Variants in MCTP1 observed in about 807,000 individuals in gnomAD.
The protein encoded by MCTP1 is multiple C2 and transmembrane domain-containing protein 1.
MCTP1 carries 69 observed loss-of-function variants against 120.6 expected under a neutral mutation model. That is an observed-to-expected ratio of 0.57 (90% confidence interval 0.47 to 0.70). The LOEUF (loss-of-function observed/expected upper bound fraction) is 0.70. Among genes scored for constraint, MCTP1 ranks in the 30% least tolerant of loss-of-function variants. The probability of loss-of-function intolerance (pLI) is 0.00; values close to 1 mark genes in which losing one functional copy is unlikely to be tolerated. For missense variants in MCTP1, 1,203 were observed against 1,248.8 expected (o/e 0.96, Z 0.55); for synonymous variants, 529 against 493.1 (o/e 1.07, Z -0.96).
chr5:95,235,143 G>C (rs968022140), intron 1 of MCTP1, among the ~76,000 whole-genome samples: 2 of 151,860 alleles, frequency 1.3e-5, no homozygotes, highest in Non-Finnish European at 2.9e-5. Flanking sequence ...CCTCAGAAAT[G>C]CCAGGTTCAT....
At chr5:95,159,941 CA>C (rs1745536525) in intron 1 of MCTP1, among the ~76,000 whole-genome samples, 1 of 152,040 alleles carries the variant, frequency 6.6e-6, no homozygotes, top group South Asian at 2.1e-4. Flanking sequence ...AGAGTCAACA[CA>C]CCTGGAAATA....
chr5:95,158,802 G>C (rs1043244911), intron 1 of MCTP1, among the ~76,000 whole-genome samples: 6 of 151,702 alleles, frequency 4.0e-5, no homozygotes, highest in African/African-American at 1.5e-4. Flanking sequence ...AGCCAGGCAT[G>C]GTGGTGCATG....
rs543573700 is a variant in MCTP1 at position 94,999,853 on chromosome 5, G to A, written c.838+17514C>T. The stretch of plus-strand genomic sequence containing the variant: ...TAAATTTGGGGAATCTTGAAGAAAG[G>A]AATCCCCCCACACACATAGTGTTAT... On this transcript the variant is annotated intron_variant, in intron 2 of 22. Transcript: ENST00000515393. Among the ~76,000 whole-genome samples, 8 of 152,210 alleles carry A rather than the reference G, an allele frequency of 5.3e-5. No homozygotes were observed. The South Asian group carries it at 1.7e-3, about 32-fold the overall frequency.
chr5:94,893,480 T>A (rs886903287), intron 11 of MCTP1, among the ~76,000 whole-genome samples: 31 of 152,232 alleles, frequency 2.0e-4, no homozygotes, highest in Admixed American at 3.9e-4. Flanking sequence ...GGCTCTTAGG[T>A]GGTTTAAAAA....
intron 19 of MCTP1, among the ~76,000 whole-genome samples, chr5:94,717,653 TAAGC>T (rs536740880): frequency 3.0e-4 from 46 of 152,296 alleles, no homozygotes; most frequent in African/African-American, 1.1e-3. Flanking sequence ...CTTAAGCTGA[TAAGC>T]AACTTCAGCA....
chr5:94,766,396 C>T (rs1772719900), intron 19 of MCTP1, among the ~76,000 whole-genome samples: 2 of 152,054 alleles, frequency 1.3e-5, no homozygotes, highest in Non-Finnish European at 2.9e-5. Flanking sequence ...AGCTGGAAAC[C>T]ATCATTCTGA....
At chr5:95,218,158 A>G (rs1753248139) in intron 1 of MCTP1, among the ~76,000 whole-genome samples, 1 of 152,208 alleles carries the variant, frequency 6.6e-6, no homozygotes, top group South Asian at 2.1e-4. Context: ...AATGAGTTAC[A>G]CTATATTGGG....
At chr5:95,028,468 G>A (rs1839684998) in intron 1 of MCTP1, among the ~76,000 whole-genome samples, 1 of 152,096 alleles carries the variant, frequency 6.6e-6, no homozygotes, top group Non-Finnish European at 1.5e-5. Flanking sequence ...ATTTATTGCT[G>A]TTTAAAAAAG....
intron 1 of MCTP1, among the ~76,000 whole-genome samples, chr5:95,168,079 G>A (rs2152490169): frequency 6.6e-6 from 1 of 152,276 alleles, no homozygotes; most frequent in East Asian, 1.9e-4. Flanking sequence ...TGTATAAGGT[G>A]TAAAGAAGGG....
chr5:94,947,215 TG>T (rs1819167842), intron 3 of MCTP1, among the ~76,000 whole-genome samples: 1 of 152,076 alleles, frequency 6.6e-6, no homozygotes, highest in African/African-American at 2.4e-5. Flanking sequence ...CCAAGCAATA[TG>T]GTTAATATCC....
intron 17 of MCTP1, among the ~76,000 whole-genome samples, chr5:94,806,161 G>C (rs1412773254): frequency 1.3e-5 from 2 of 151,834 alleles, no homozygotes; most frequent in Non-Finnish European, 2.9e-5. Flanking sequence ...TCAAAACTTG[G>C]CTATTCATAA....
chr5:94,954,683 T>G (rs1463645913), intron 2 of MCTP1, among the ~76,000 whole-genome samples: 1 of 152,212 alleles, frequency 6.6e-6, no homozygotes, highest in African/African-American at 2.4e-5. Flanking sequence ...TAATCTTCAC[T>G]GATTTAAATA....
intron 1 of MCTP1, among the ~76,000 whole-genome samples, chr5:95,278,949 C>G (rs1410279842): frequency 7.1e-6 from 1 of 140,334 alleles, no homozygotes; most frequent in Non-Finnish European, 1.5e-5. Flanking sequence ...GCAACAAGAG[C>G]AAAACTCCGT....
intron 1 of MCTP1, among the ~76,000 whole-genome samples, chr5:95,171,007 G>C (rs530733032): frequency 6.6e-6 from 1 of 152,050 alleles, no homozygotes; most frequent in Non-Finnish European, 1.5e-5. Flanking sequence ...TCCTAGTCTC[G>C]ATGGTCTTTA....
At chr5:95,201,392 AT>A (rs1418864082) in intron 1 of MCTP1, among the ~76,000 whole-genome samples, 2 of 150,304 alleles carry the variant, frequency 1.3e-5, no homozygotes, top group Non-Finnish European at 3.0e-5. Flanking sequence ...TTTTGTTATG[AT>A]TTAAATTTAA....
chr5:95,197,470 C>A (rs1750517495), intron 1 of MCTP1, among the ~76,000 whole-genome samples: 1 of 152,104 alleles, frequency 6.6e-6, no homozygotes, highest in African/African-American at 2.4e-5. Context: ...AGATCATCAT[C>A]AATTGAGCAA....
chr5:94,866,595 G>T (rs1474368368), intron 17 of MCTP1, among the ~76,000 whole-genome samples: 3 of 149,354 alleles, frequency 2.0e-5, no homozygotes, highest in Non-Finnish European at 3.0e-5. Context: ...TGTTTCACAG[G>T]ACTGAATCCA....
At chr5:94,904,850 A>G (rs1291601500) in intron 10 of MCTP1, among the ~76,000 whole-genome samples, 1 of 152,180 alleles carries the variant, frequency 6.6e-6, no homozygotes, top group African/African-American at 2.4e-5. Context: ...GGTGCCAGAT[A>G]CTTGTTTAGG....
intron 12 of MCTP1, chr5:94,877,466 G>T (rs1296625409): frequency 2.6e-5 from 4 of 151,812 alleles, no homozygotes; most frequent in Non-Finnish European, 5.9e-5. Flanking sequence ...TCATAAAACA[G>T]AATCTATAAC....
Sources: gnomAD v4.1 joint callset for allele counts (sites outside exome capture counted in the v4.1 genomes callset) on GRCh38, gnomAD v4.1.1 for gene constraint, MANE v1.5 for transcripts, NCBI Gene and HGNC (gene_info 2026-07-23, HGNC 2026-07-21) for gene names.